UNC13B: variants seen among roughly 807,000 people sequenced by gnomAD.
The protein encoded by UNC13B is unc-13 homolog B.
Under a neutral mutation model 211.0 loss-of-function variants are expected in UNC13B, and 144 were observed. That is an observed-to-expected ratio of 0.68 (90% CI 0.60 to 0.78). The LOEUF is 0.78. Ranked by LOEUF, UNC13B falls within the 30% of genes least tolerant of loss-of-function variation. The probability of loss-of-function intolerance (pLI) is 0.00; values close to 1 mark genes in which losing one functional copy is unlikely to be tolerated. For synonymous variants in UNC13B, 709 were observed against 725.8 expected (o/e 0.98, Z 0.37); for missense variants, 1,777 against 2,002.0 (o/e 0.89, Z 2.14).
chr9:35,385,646 T>C, intron 22 of UNC13B, 78 bp from the exon 23 acceptor site: 1 of 1,506,192 alleles, frequency 6.6e-7, no homozygotes, highest in Non-Finnish European at 8.9e-7. Flanking sequence ...TTAGGGAAGC[T>C]TTTGATATCA....
chr9:35,236,834 G>C (rs572927097), intron 4 of UNC13B, among the ~76,000 whole-genome samples: 2 of 152,322 alleles, frequency 1.3e-5, no homozygotes, highest in African/African-American at 4.8e-5. Context: ...TTATCAGGTA[G>C]ATAGCCCCTT....
At position 35,195,260 on chromosome 9, in the gene UNC13B, G is replaced by C. The variant is rs888595648; in HGVS notation, c.23-32755G>C. Among the ~76,000 whole-genome samples, 3 of 152,022 alleles carry C rather than the reference G, an allele frequency of 2.0e-5. No homozygotes were observed. The South Asian group carries it at 6.2e-4, about 32-fold the overall frequency. Reference sequence around the variant, plus strand: ...CTGCTCTTTGTTAGAAAATGATTTGGGGCTGCTTCTTATTAAAAGGAAAAC... The same window carrying C: ...CTGCTCTTTGTTAGAAAATGATTTGCGGCTGCTTCTTATTAAAAGGAAAAC... On this transcript the variant is annotated intron_variant, in intron 1 of 39. Coordinates refer to ENST00000635942, the MANE Select transcript of UNC13B (RefSeq NM_001371189.2).
intron 13 of UNC13B, among the ~76,000 whole-genome samples, chr9:35,371,166 TTCTA>T (rs1391410249): frequency 1.2e-4 from 18 of 152,252 alleles, no homozygotes; most frequent in East Asian, 5.8e-4. Context: ...TTTCTCTCTA[TTCTA>T]TCTATTGTTT....
rs115787986 is a variant in UNC13B at position 35,256,039 on chromosome 9, C to T, written c.469-2954C>T. On this transcript the variant is annotated intron_variant, in intron 6 of 39. Transcript: ENST00000635942. Reference sequence around the variant, plus strand: ...GGTTAGGTCTGATTTCTTTCACTGTCATACTTTCCTTAGTTATGATTTTTG... The same window carrying T: ...GGTTAGGTCTGATTTCTTTCACTGTTATACTTTCCTTAGTTATGATTTTTG... 8.5e-3 allele frequency among the ~76,000 whole-genome samples: 1,295 copies of T among 152,264 alleles called. 13 individuals carry two copies. The highest frequency in any genetic ancestry group is 0.029 in the African/African-American group (1,225 of 41,554).
At chr9:35,396,722 C>A in intron 27 of UNC13B, 119 bp from the exon 28 acceptor site, 2 of 1,596,552 alleles carry the variant, frequency 1.3e-6, no homozygotes, top group Non-Finnish European at 1.7e-6. Flanking sequence ...CCACCGTAGA[C>A]AAAGAAAAGT....
chr9:35,167,840 T>C (rs1051192620), intron 1 of UNC13B, among the ~76,000 whole-genome samples: 1 of 150,544 alleles, frequency 6.6e-6, no homozygotes, highest in African/African-American at 2.4e-5. Flanking sequence ...CCTGACCTTG[T>C]GATCTGCCCT....
In UNC13B at chr9:35,207,515, G is replaced by A. The variant is rs867323214; in HGVS notation, c.23-20500G>A. On this transcript the variant is annotated intron_variant, in intron 1 of 39. Transcript: ENST00000635942. The stretch of plus-strand genomic sequence containing the variant: ...ATTTATTTATTTATTTATTTATTTA[G>A]TAGAGATGGGGATCTCCCTGTGTTA... Among the ~76,000 whole-genome samples, 8 of 27,672 alleles carry A rather than the reference G, an allele frequency of 2.9e-4. No individual in the cohort carries two copies. The East Asian group carries it at 5.7e-3, about 20-fold the overall frequency. The allele number at this position is 27,672 out of a possible 152,430, so 18.2% of individuals were successfully genotyped here. A position where few individuals can be genotyped will look rare whatever the true frequency, so the allele number is the denominator to read the frequency against.
At chr9:35,353,705 A>G (rs1468821669) in intron 11 of UNC13B, 5 of 1,232,072 alleles carry the variant, frequency 4.1e-6, no homozygotes, top group Non-Finnish European at 5.1e-6. Flanking sequence ...CAAGTGCATC[A>G]ACAATTTTAA....
intron 10 of UNC13B, among the ~76,000 whole-genome samples, chr9:35,313,207 C>T (rs1186221389): frequency 6.6e-6 from 1 of 151,904 alleles, no homozygotes; most frequent in Non-Finnish European, 1.5e-5. Context: ...GGGTAAATGA[C>T]AAAAACGAGT....
intron 3 of UNC13B, among the ~76,000 whole-genome samples, chr9:35,234,241 G>A (rs1825368457): frequency 6.6e-6 from 1 of 151,990 alleles, no homozygotes; most frequent in Non-Finnish European, 1.5e-5. Context: ...TCAGCCTCCT[G>A]AGTAACTGGG....
chr9:35,219,224 A>C (rs889236883), intron 1 of UNC13B, among the ~76,000 whole-genome samples: 1 of 152,132 alleles, frequency 6.6e-6, no homozygotes, highest in Non-Finnish European at 1.5e-5. Context: ...GAGAAACCTC[A>C]TTGGCAGTGG....
At chr9:35,251,447 C>T (rs141976874) in intron 6 of UNC13B, among the ~76,000 whole-genome samples, 61 of 152,116 alleles carry the variant, frequency 4.0e-4, no homozygotes, top group African/African-American at 1.4e-3. Context: ...ATTAGCTTGG[C>T]GTGGTGGTGG....
Position 35,277,796 on chromosome 9 carries a change from A to G in UNC13B, c.527-17900A>G, listed in dbSNP as rs928072927. ...ACTTGAATATGTAATTTATAATTAC[A>G]TATTCACATTGTGTACACAGTAATA... is the stretch of plus-strand genomic sequence containing the variant. On this transcript the variant is annotated intron_variant, in intron 7 of 39. Transcript: ENST00000635942. 3.9e-5 allele frequency among the ~76,000 whole-genome samples: 6 copies of G among 152,094 alleles called. No homozygotes were observed. In the South Asian group the frequency reaches 8.3e-4, roughly 21 times the overall value.
intron 11 of UNC13B, chr9:35,342,479 T>C (rs2132019339): frequency 1.9e-6 from 1 of 520,928 alleles, no homozygotes; most frequent in Non-Finnish European, 2.5e-6. Flanking sequence ...GGGGTCATTA[T>C]AATGAGTGAA....
At position 35,370,220 on chromosome 9, in the gene UNC13B, C is replaced by T. The variant is rs1255228940; in HGVS notation, c.9462-98C>T. ...CACATGGTAGAGGTCAGTTCATCTT[C>T]CTCTGGGGAGAGGGAGAGCAAGGTG... On this transcript the variant is annotated intron_variant, in intron 12 of 39. Transcript: ENST00000635942. 3 of 993,154 alleles carry T rather than the reference C, an allele frequency of 3.0e-6. No homozygotes were observed. The African/African-American group carries it at 4.8e-5, about 16-fold the overall frequency. 61.5% of individuals were successfully genotyped at this position (993,154 alleles called of 1,614,324 possible).
intron 10 of UNC13B, among the ~76,000 whole-genome samples, chr9:35,311,299 G>A (rs1830170122): frequency 6.6e-6 from 1 of 152,186 alleles, no homozygotes; most frequent in Non-Finnish European, 1.5e-5. Flanking sequence ...TAGTTAGTGA[G>A]CTGCAGTGTA....
At chr9:35,179,281 C>G (rs10814211) in intron 1 of UNC13B, among the ~76,000 whole-genome samples, 1 of 151,790 alleles carries the variant, frequency 6.6e-6, no homozygotes, top group Non-Finnish European at 1.5e-5. Context: ...AGGATATATT[C>G]GTGGACAGCA....
chr9:35,375,341 C>G, intron 14 of UNC13B, 140 bp downstream of exon 14: 1 of 907,776 alleles, frequency 1.1e-6, no homozygotes. Context: ...TAGATAGCAT[C>G]AGGTGTTAGT....
chr9:35,358,163 G>A (rs186328301), intron 11 of UNC13B, among the ~76,000 whole-genome samples: 5 of 152,282 alleles, frequency 3.3e-5, no homozygotes, highest in East Asian at 1.9e-4. Flanking sequence ...AGGCTGCATC[G>A]TATTCCATTG....
Sources: gnomAD v4.1 joint callset for allele counts (sites outside exome capture counted in the v4.1 genomes callset) on GRCh38, gnomAD v4.1.1 for gene constraint, MANE v1.5 for transcripts, NCBI Gene and HGNC (gene_info 2026-07-23, HGNC 2026-07-21) for gene names.